Variants in ATXN3 observed in about 807,000 individuals in gnomAD.
ATXN3 encodes the protein ataxin 3.
Under a neutral mutation model 58.2 loss-of-function variants are expected in ATXN3, and 28 were observed. The ratio of observed to expected loss-of-function variants is 0.48; its 90% CI spans 0.36 to 0.66. ATXN3 has a LOEUF of 0.66. Among genes scored for constraint, ATXN3 ranks in the 30% least tolerant of loss-of-function variants. The pLI is 0.00. For synonymous variants in ATXN3, 113 were observed against 138.5 expected (o/e 0.82, Z 1.29); for missense variants, 321 against 422.1 (o/e 0.76, Z 2.10).
downstream of ATXN3, among the ~76,000 whole-genome samples, chr14:92,054,715 T>C (rs1595426965): frequency 1.3e-5 from 2 of 152,288 alleles, no homozygotes; most frequent in East Asian, 1.9e-4. Context: ...GAACCCTCTC[T>C]TGGGGTCTGG....
chr14:92,054,242 A>G (rs1454261531), downstream of ATXN3, among the ~76,000 whole-genome samples: 1 of 152,118 alleles, frequency 6.6e-6, no homozygotes, highest in Non-Finnish European at 1.5e-5. Context: ...CTGCAACTCC[A>G]TCTTGAATAG....
upstream of ATXN3, among the ~76,000 whole-genome samples, chr14:92,051,124 C>T (rs569539909): frequency 6.6e-6 from 1 of 152,264 alleles, no homozygotes; most frequent in East Asian, 1.9e-4. Flanking sequence ...CCCTTTATTT[C>T]CCTTCCTTCT....
At position 92,083,144 on chromosome 14, in the gene ATXN3, G is replaced by A. The variant is rs560161051; in HGVS notation, c.590C>T (p.Ala197Val). The change falls in exon 7 of 11, where the codon GCA becomes GTA. Residue 197 changes from alanine to valine, a missense_variant. By Grantham distance (64) the Ala-to-Val change is moderately conservative. Coordinates refer to ENST00000644486, the MANE Select transcript of ATXN3 (RefSeq NM_004993.6). ...TTTTTACCTTTGCTCTTTTAGTTGTGCTAATTCTTCTCCAATAAGTTTTGG... is the reference window on the plus strand; with the variant it reads ...TTTTTACCTTTGCTCTTTTAGTTGTACTAATTCTTCTCCAATAAGTTTTGG... ...HRPKLIGEEL[A>V]QLKEQRVHKT... 1.2e-6 allele frequency: 2 copies of A among 1,611,822 alleles called. No homozygotes were observed. The highest frequency in any genetic ancestry group is 2.2e-5 in the South Asian group (2 of 90,316).
intron 5 of ATXN3, among the ~76,000 whole-genome samples, chr14:92,092,221 A>G (rs1241887460): frequency 2.6e-5 from 4 of 152,180 alleles, no homozygotes; most frequent in Non-Finnish European, 5.9e-5. Flanking sequence ...ACCATACAGC[A>G]GGTAGTATTT....
At chr14:92,085,056 T>C (rs1360119524) in intron 6 of ATXN3, among the ~76,000 whole-genome samples, 2 of 152,128 alleles carry the variant, frequency 1.3e-5, no homozygotes, top group Non-Finnish European at 2.9e-5. Context: ...GCCAGTAAAA[T>C]TGTTTCTGTA....
intron 2 of ATXN3, among the ~76,000 whole-genome samples, chr14:92,045,457 G>A (rs1480693171): frequency 2.0e-5 from 3 of 152,188 alleles, no homozygotes; most frequent in African/African-American, 4.8e-5. Flanking sequence ...TCCAGTGAAA[G>A]TGTCTTCCCA....
At chr14:92,104,642 A>G (rs1023506300) in intron 1 of ATXN3, among the ~76,000 whole-genome samples, 1 of 151,546 alleles carries the variant, frequency 6.6e-6, no homozygotes, top group Non-Finnish European at 1.5e-5. Flanking sequence ...TAACAAAAAT[A>G]TGGCCGGGTG....
intron 10 of ATXN3, among the ~76,000 whole-genome samples, chr14:92,065,172 C>G (rs2058170191): frequency 6.6e-6 from 1 of 152,210 alleles, no homozygotes; most frequent in African/African-American, 2.4e-5. Context: ...TATCTCTATA[C>G]AGCTGTCATT....
chr14:92,057,320 G>A (rs2057479426), downstream of ATXN3, among the ~76,000 whole-genome samples: 1 of 152,096 alleles, frequency 6.6e-6, no homozygotes, highest in Non-Finnish European at 1.5e-5. Context: ...GGAGGCTGAG[G>A]CAGGAGAATT....
chr14:92,105,365 A>G (rs954062159), intron 1 of ATXN3, among the ~76,000 whole-genome samples: 5 of 152,212 alleles, frequency 3.3e-5, no homozygotes, highest in African/African-American at 4.8e-5. Flanking sequence ...GCAGTGAGCC[A>G]TGATCTCTCC....
At chr14:92,050,141 C>G (rs2057442991), upstream of ATXN3, among the ~76,000 whole-genome samples, 1 of 121,008 alleles carries the variant, frequency 8.3e-6, no homozygotes, top group South Asian at 3.0e-4. Flanking sequence ...TGACTTTGCT[C>G]TCGTGTGTGT....
At chr14:92,079,282 A>C in intron 9 of ATXN3, 1 of 236,510 alleles carries the variant, frequency 4.2e-6, no homozygotes, top group Non-Finnish European at 6.9e-6. Context: ...ACTTTTGTAT[A>C]AATTTGGAGT....
intron 1 of ATXN3, among the ~76,000 whole-genome samples, chr14:92,104,054 T>C (rs376552813): frequency 4.6e-5 from 7 of 152,378 alleles, no homozygotes; most frequent in East Asian, 1.9e-4. Flanking sequence ...TCACATGCTA[T>C]GTAGATACAA....
chr14:92,102,064 A>G (rs2066940749), intron 1 of ATXN3, among the ~76,000 whole-genome samples: 1 of 151,822 alleles, frequency 6.6e-6, no homozygotes, highest in Non-Finnish European at 1.5e-5. Flanking sequence ...GAGGCAGGAG[A>G]ATCTCTTGAA....
chr14:92,075,856 T>C (rs2060261662), intron 9 of ATXN3, among the ~76,000 whole-genome samples: 1 of 152,190 alleles, frequency 6.6e-6, no homozygotes, highest in South Asian at 2.1e-4. Context: ...AGAAGTTAGT[T>C]CTTAACTCTT....
At chr14:92,066,606 T>G (rs1278838318) in intron 10 of ATXN3, among the ~76,000 whole-genome samples, 1 of 87,854 alleles carries the variant, frequency 1.1e-5, no homozygotes, top group African/African-American at 6.1e-5. Context: ...TTCTTGTTTT[T>G]TTTTTTTTTT....
chr14:92,045,603 A>C (rs928108990), intron 2 of ATXN3, among the ~76,000 whole-genome samples: 14 of 152,164 alleles, frequency 9.2e-5, no homozygotes, highest in Non-Finnish European at 1.8e-4. Context: ...GGGTAGTAGA[A>C]TAGCAGATGG....
intron 3 of ATXN3, among the ~76,000 whole-genome samples, chr14:92,095,184 C>T (rs930232188): frequency 6.6e-6 from 1 of 151,674 alleles, no homozygotes; most frequent in African/African-American, 2.4e-5. Context: ...CAAGGTATTG[C>T]ATTTTCTCAA....
Position 92,099,461 on chromosome 14 carries a change from CT to C in ATXN3, c.25-2624del, listed in dbSNP as rs200597744. On this transcript the variant is annotated intron_variant, in intron 1 of 10. Transcript: ENST00000644486. ...CCCCAAGTCTTCTCATGAGAATAGACTTTTTGTTTCCACTTCTTTCTCCTCC... is the reference window on the plus strand; with the variant it reads ...CCCCAAGTCTTCTCATGAGAATAGACTTTTGTTTCCACTTCTTTCTCCTCC... 3.9e-4 allele frequency among the ~76,000 whole-genome samples: 59 copies of C among 152,342 alleles called. No homozygotes were observed. In the East Asian group the frequency reaches 0.011, roughly 28 times the overall value.
Sources: gnomAD v4.1 joint callset for allele counts (sites outside exome capture counted in the v4.1 genomes callset) on GRCh38, gnomAD v4.1.1 for gene constraint, MANE v1.5 for transcripts, NCBI Gene and HGNC (gene_info 2026-07-23, HGNC 2026-07-21) for gene names.